Variants in PRKN observed in about 807,000 individuals in gnomAD.
The protein encoded by PRKN is E3 ubiquitin-protein ligase parkin.
In PRKN, 56 loss-of-function variants were observed where a neutral mutation model predicts 59.5. The ratio of observed to expected loss-of-function variants is 0.94; its 90% confidence interval spans 0.76 to 1.18. PRKN has a LOEUF of 1.18. PRKN is among the 50% of genes most tolerant of loss of function. The probability of loss-of-function intolerance (pLI) is 0.00; values close to 1 mark genes in which losing one functional copy is unlikely to be tolerated. For synonymous variants in PRKN, 250 were observed against 222.1 expected, an observed-to-expected ratio of 1.13 and a Z score of -1.12; for missense variants, 657 against 596.4, an observed-to-expected ratio of 1.10 and a Z score of -1.06.
chr6:162,551,351 A>C (rs1380110450), intron 1 of PRKN, among the ~76,000 whole-genome samples: 1 of 152,214 alleles, frequency 6.6e-6, no homozygotes, highest in Non-Finnish European at 1.5e-5. Context: ...AAAGTGTTAT[A>C]AACTTACAAT....
intron 6 of PRKN, among the ~76,000 whole-genome samples, chr6:161,823,347 T>C (rs1041167723): frequency 6.6e-6 from 1 of 152,142 alleles, no homozygotes; most frequent in African/African-American, 2.4e-5. Context: ...ATTCATAAAT[T>C]AGCTTAATAA....
At chr6:162,696,722 C>A (rs1777984966) in intron 1 of PRKN, among the ~76,000 whole-genome samples, 1 of 151,438 alleles carries the variant, frequency 6.6e-6, no homozygotes, top group Non-Finnish European at 1.5e-5. Flanking sequence ...TTTTTTAAAT[C>A]TTTTGTAGAG....
At position 161,918,050 on chromosome 6, in the gene PRKN, C is replaced by T. The variant is rs1778640464; in HGVS notation, c.734+55252G>A. Among the ~76,000 whole-genome samples the T allele has an allele frequency of 2.0e-5, 3 of 152,196 alleles. No homozygotes were observed. In the South Asian group the frequency reaches 6.2e-4, roughly 32 times the overall value. On this transcript the variant is annotated intron_variant, in intron 6 of 11. Transcript: ENST00000366898. ...AAACAGGCGACTGTTTTTCTGTTTG[C>T]AATTTACAACAACAAAGAATTCATT...
At chr6:161,782,557 A>G (rs560566068) in intron 7 of PRKN, among the ~76,000 whole-genome samples, 2 of 152,170 alleles carry the variant, frequency 1.3e-5, no homozygotes, top group Non-Finnish European at 2.9e-5. Flanking sequence ...TTGCTTTGGA[A>G]TAATGGAAAT....
At position 161,529,992 on chromosome 6, in the gene PRKN, AAAC is replaced by A. The variant is rs1180962324; in HGVS notation, c.1083+18859_1083+18861del. 6.6e-6 allele frequency among the ~76,000 whole-genome samples: 1 copy of A among 152,194 alleles called. No homozygotes were observed. The highest frequency in any genetic ancestry group is 1.5e-5 in the Non-Finnish European group (1 of 68,040). On this transcript the variant is annotated intron_variant, in intron 9 of 11. Transcript: ENST00000366898. This position sits in a 1 kb window ranked among gnomAD's most constrained non-coding sequence, Gnocchi z 4.4. ...GTGAAACTTATTGAGCATGTTATAA[AAAC>A]AACAGAGCAGCAAAAGCATTTTACT...
chr6:161,619,101 T>C (rs1303431268), intron 7 of PRKN, among the ~76,000 whole-genome samples: 1 of 152,140 alleles, frequency 6.6e-6, no homozygotes, highest in Non-Finnish European at 1.5e-5. Flanking sequence ...GTCTGAAAGG[T>C]CATTTTGTTA....
chr6:161,637,103 G>C (rs1304468164), intron 7 of PRKN, among the ~76,000 whole-genome samples: 1 of 152,194 alleles, frequency 6.6e-6, no homozygotes, highest in Non-Finnish European at 1.5e-5. Flanking sequence ...TGGTGGAAGA[G>C]GTAAGATGTT....
chr6:161,672,979 G>A (rs1451193032), intron 7 of PRKN, among the ~76,000 whole-genome samples: 8 of 152,116 alleles, frequency 5.3e-5, no homozygotes, highest in Admixed American at 4.6e-4. Context: ...ATGCACAACC[G>A]AAAAGGATCT....
rs1491541966 is a variant in PRKN at position 161,777,704 on chromosome 6, TAA to T, written c.871+8066_871+8067del. On this transcript the variant is annotated intron_variant, in intron 7 of 11. Coordinates refer to ENST00000366898, the MANE Select transcript of PRKN (RefSeq NM_004562.3). ...ATATAATATATATATACACAATATA[TAA>T]GAGATATTTTATATACATATATATC... 3.0e-3 allele frequency among the ~76,000 whole-genome samples: 438 copies of T among 144,468 alleles called. 5 individuals carry two copies. Among genetic ancestry groups the T allele is most frequent in the Middle Eastern group, 0.011 (3 of 276 alleles). 94.8% of individuals were successfully genotyped at this position (144,468 alleles called of 152,430 possible).
intron 9 of PRKN, among the ~76,000 whole-genome samples, chr6:161,522,222 T>C (rs1778853893): frequency 6.6e-6 from 1 of 152,176 alleles, no homozygotes; most frequent in South Asian, 2.1e-4. Flanking sequence ...AGAATGCCTA[T>C]TCCAAAGCTT....
chr6:162,483,549 G>A (rs1242665059), intron 1 of PRKN, among the ~76,000 whole-genome samples: 1 of 122,434 alleles, frequency 8.2e-6, no homozygotes, highest in Non-Finnish European at 1.7e-5. Flanking sequence ...GGAAAGAAGG[G>A]ACGTAGGGAA....
intron 1 of PRKN, among the ~76,000 whole-genome samples, chr6:162,677,790 G>A (rs1482455906): frequency 5.9e-5 from 9 of 152,150 alleles, no homozygotes; most frequent in Non-Finnish European, 1.3e-4. Flanking sequence ...AAAGGACAAC[G>A]TATTTTTTGA....
intron 7 of PRKN, among the ~76,000 whole-genome samples, chr6:161,676,072 C>T (rs115481437): frequency 1.4e-3 from 208 of 152,288 alleles, no homozygotes; most frequent in Middle Eastern, 0.01. Flanking sequence ...GCAGTGACTA[C>T]GATTCCTAAA....
chr6:162,136,947 A>T (rs1173686810), intron 4 of PRKN, among the ~76,000 whole-genome samples: 2 of 151,804 alleles, frequency 1.3e-5, no homozygotes, highest in South Asian at 2.1e-4. Flanking sequence ...TTGTAAGTAT[A>T]AAAATATTTA....
At chr6:162,359,079 A>AAAAAAAAAAAAAAAATATATATAT (rs57265104) in intron 2 of PRKN, among the ~76,000 whole-genome samples, 4 of 83,274 alleles carry the variant, frequency 4.8e-5, no homozygotes, top group African/African-American at 2.9e-4. Context: ...AAAAAAAAAA[A>AAAAAAAAAAAAAAAATATATATAT]ATATATATAT....
chr6:161,552,793 GTTTTTTGTTTTT>G lies in PRKN; in HGVS notation c.934-3802_934-3791del, dbSNP rs1165266878. ...ACACCATGGTTTTGTTGTTGTTTTT[GTTTTTTGTTTTT>G]TTTTTTTAGACGGAGTCTCGTTGTT... On this transcript the variant is annotated intron_variant, in intron 8 of 11. Transcript: ENST00000366898. This position sits in a 1 kb window ranked among gnomAD's most constrained non-coding sequence, Gnocchi z 4.9. Among the ~76,000 whole-genome samples, 3 of 143,114 alleles carry G rather than the reference GTTTTTTGTTTTT, an allele frequency of 2.1e-5. No individual in the cohort carries two copies. The highest frequency in any genetic ancestry group is 4.5e-5 in the Non-Finnish European group (3 of 66,334). 93.9% of individuals were successfully genotyped at this position (143,114 alleles called of 152,430 possible). A position where few individuals can be genotyped will look rare whatever the true frequency, so the allele number is the denominator to read the frequency against.
chr6:162,072,066 C>A (rs919626109), intron 4 of PRKN, among the ~76,000 whole-genome samples: 1 of 152,122 alleles, frequency 6.6e-6, no homozygotes, highest in African/African-American at 2.4e-5. Context: ...AAAAGTGACA[C>A]ACATTTTGCC....
intron 1 of PRKN, among the ~76,000 whole-genome samples, chr6:162,669,034 T>C (rs1779219238): frequency 6.6e-6 from 1 of 152,098 alleles, no homozygotes; most frequent in Non-Finnish European, 1.5e-5. Context: ...GGTTAAACAA[T>C]TTGCCTAAAT....
chr6:162,318,477 A>G (rs567210189), intron 2 of PRKN, among the ~76,000 whole-genome samples: 57 of 152,202 alleles, frequency 3.7e-4, no homozygotes, highest in Admixed American at 3.7e-3. Context: ...TTGGGGGTAT[A>G]TACCTAGAAA....
Sources: gnomAD v4.1 joint callset for allele counts (sites outside exome capture counted in the v4.1 genomes callset) on GRCh38, gnomAD v4.1.1 for gene constraint, Gnocchi (gnomAD v3.1) non-coding constraint, MANE v1.5 for transcripts, NCBI Gene and HGNC (gene_info 2026-07-23, HGNC 2026-07-21) for gene names.